Variants in NKAIN2 observed in about 807,000 individuals in gnomAD.
NKAIN2 encodes the protein sodium/potassium transporting ATPase interacting 2.
A neutral mutation model predicts 32.6 loss-of-function variants in NKAIN2; 14 were observed. The ratio of observed to expected loss-of-function variants is 0.43; its 90% CI spans 0.28 to 0.67. The LOEUF (loss-of-function observed/expected upper bound fraction) is 0.67. Among genes scored for constraint, NKAIN2 ranks in the 30% least tolerant of loss-of-function variants. NKAIN2 has a pLI of 0.17. For synonymous variants in NKAIN2, 80 were observed against 87.2 expected (o/e 0.92, Z 0.46); for missense variants, 198 against 258.3 (o/e 0.77, Z 1.60).
intron 2 of NKAIN2, among the ~76,000 whole-genome samples, chr6:124,315,606 T>C (rs768989993): frequency 1.3e-4 from 20 of 152,116 alleles, no homozygotes; most frequent in Non-Finnish European, 2.2e-4. Flanking sequence ...AGCAGATGAA[T>C]AGAATTGGCA....
Position 124,543,763 on chromosome 6 carries a change from T to C in NKAIN2, c.274-114423T>C, listed in dbSNP as rs1779992369. On this transcript the variant is annotated intron_variant, in intron 3 of 6. Transcript: ENST00000368417. The stretch of plus-strand genomic sequence containing the variant: ...TGGAAAACCACAGACAGGAGTAGAG[T>C]GGGTTGTGGCATCCTCCAAAACGAG... Among the ~76,000 whole-genome samples the C allele has an allele frequency of 5.3e-5, 8 of 151,734 alleles. No individual in the cohort carries two copies. The South Asian group carries it at 1.7e-3, about 32-fold the overall frequency.
At chr6:123,979,206 A>G (rs1257025996) in intron 1 of NKAIN2, among the ~76,000 whole-genome samples, 1 of 152,208 alleles carries the variant, frequency 6.6e-6, no homozygotes, top group Non-Finnish European at 1.5e-5. Context: ...AATAGCTTAT[A>G]TAATTTTTAA....
At chr6:124,293,471 A>G (rs967247912) in intron 2 of NKAIN2, among the ~76,000 whole-genome samples, 2 of 152,128 alleles carry the variant, frequency 1.3e-5, no homozygotes, top group Non-Finnish European at 2.9e-5. Context: ...TTTCTGTGGT[A>G]TAGAATAATT....
intron 1 of NKAIN2, among the ~76,000 whole-genome samples, chr6:123,850,044 G>A (rs1240451954): frequency 6.8e-6 from 1 of 146,444 alleles, no homozygotes; most frequent in South Asian, 2.3e-4. Context: ...CTGGGCTTAA[G>A]CAGTCCTCCT....
intron 4 of NKAIN2, among the ~76,000 whole-genome samples, chr6:124,760,139 C>T (rs944389677): frequency 5.0e-4 from 76 of 151,914 alleles, no homozygotes; most frequent in African/African-American, 1.8e-3. Flanking sequence ...CCTTAGCAAA[C>T]TAACGCAGGA....
intron 1 of NKAIN2, among the ~76,000 whole-genome samples, chr6:124,031,969 G>C (rs1781425525): frequency 6.6e-6 from 1 of 151,906 alleles, no homozygotes. Context: ...GCACACATAT[G>C]TTTACTGCAG....
intron 1 of NKAIN2, among the ~76,000 whole-genome samples, chr6:124,257,920 A>G (rs1474482930): frequency 1.3e-5 from 2 of 151,362 alleles, no homozygotes; most frequent in East Asian, 3.9e-4. Context: ...CTGGGATTAC[A>G]GGCACCCGCC....
chr6:124,805,161 A>C (rs987200050), intron 5 of NKAIN2, among the ~76,000 whole-genome samples: 2 of 151,912 alleles, frequency 1.3e-5, no homozygotes, highest in African/African-American at 4.8e-5. Context: ...ACGCAGCTGG[A>C]GATCTGAGAA....
chr6:123,809,370 T>C (rs1027475796), intron 1 of NKAIN2, among the ~76,000 whole-genome samples: 2 of 152,114 alleles, frequency 1.3e-5, no homozygotes, highest in Non-Finnish European at 2.9e-5. Context: ...GAATAAGTAC[T>C]CTATTTATTC....
chr6:124,289,585 G>A (rs1795707944), intron 2 of NKAIN2, among the ~76,000 whole-genome samples: 1 of 152,072 alleles, frequency 6.6e-6, no homozygotes. Flanking sequence ...CAATTTGCAT[G>A]GGGGAAAAAT....
intron 4 of NKAIN2, among the ~76,000 whole-genome samples, chr6:124,779,031 C>T (rs1031259780): frequency 4.0e-5 from 6 of 151,860 alleles, no homozygotes; most frequent in Admixed American, 2.6e-4. Context: ...TTGTCAGGAG[C>T]GCAAGACCAG....
chr6:124,662,358 T>G (rs1051184732), intron 4 of NKAIN2, among the ~76,000 whole-genome samples: 1 of 152,148 alleles, frequency 6.6e-6, no homozygotes, highest in Non-Finnish European at 1.5e-5. Flanking sequence ...TAGTGTTGAC[T>G]TAGAAACAGT....
intron 3 of NKAIN2, among the ~76,000 whole-genome samples, chr6:124,484,207 G>T (rs983448583): frequency 6.6e-6 from 1 of 152,180 alleles, no homozygotes; most frequent in African/African-American, 2.4e-5. Flanking sequence ...AACTCTACAT[G>T]TCCTAAAATA....
chr6:123,917,824 T>C (rs914458754), intron 1 of NKAIN2, among the ~76,000 whole-genome samples: 4 of 152,146 alleles, frequency 2.6e-5, no homozygotes, highest in Non-Finnish European at 5.9e-5. Context: ...AATTAAGTTC[T>C]CTTTGTAAAA....
intron 3 of NKAIN2, among the ~76,000 whole-genome samples, chr6:124,503,566 G>T (rs1048326292): frequency 5.3e-5 from 8 of 152,008 alleles, no homozygotes; most frequent in Non-Finnish European, 7.4e-5. Flanking sequence ...GATAGGAAGG[G>T]GTTCATTAAT....
rs977700922 is a variant in NKAIN2, at chr6:123,912,957, G to A, written c.54+108703G>A. On this transcript the variant is annotated intron_variant, in intron 1 of 6. Transcript: ENST00000368417. ...TAAAAAGGTTATGTTCTATTTATTT[G>A]TAGTATCCCTAAGGCGAAACCTGTA... Among the ~76,000 whole-genome samples the A allele has an allele frequency of 1.3e-5, 2 of 152,250 alleles. 1 individual carries two copies. The highest frequency in any genetic ancestry group is 4.1e-4 in the South Asian group (2 of 4,828).
chr6:123,855,948 T>C (rs1775539940), intron 1 of NKAIN2, among the ~76,000 whole-genome samples: 2 of 152,230 alleles, frequency 1.3e-5, no homozygotes, highest in African/African-American at 4.8e-5. Flanking sequence ...GATATCATTT[T>C]GAAGTTTACA....
At chr6:123,885,813 C>T (rs1049884870) in intron 1 of NKAIN2, among the ~76,000 whole-genome samples, 1 of 151,690 alleles carries the variant, frequency 6.6e-6, no homozygotes, top group African/African-American at 2.4e-5. Context: ...ATTTTGCACA[C>T]AAATATAAGA....
At chr6:123,905,308 A>C (rs768492227) in intron 1 of NKAIN2, among the ~76,000 whole-genome samples, 6 of 152,044 alleles carry the variant, frequency 3.9e-5, no homozygotes, top group Non-Finnish European at 8.8e-5. Flanking sequence ...GGTACTGTGC[A>C]ATTAGTGGGT....
Sources: allele counts gnomAD v4.1 joint callset (sites outside exome capture counted in the v4.1 genomes callset), GRCh38; gene constraint gnomAD v4.1.1; transcripts MANE v1.5; gene names NCBI Gene and HGNC (gene_info 2026-07-23, HGNC 2026-07-21).